Variants in CST7 observed in about 807,000 individuals in gnomAD.
CST7 encodes the protein cystatin F.
A neutral mutation model predicts 13.1 loss-of-function variants in CST7; 15 were observed. The observed-to-expected ratio is 1.14, with a 90% CI of 0.77 to 1.76. CST7 has a LOEUF of 1.76. Among genes scored for constraint, CST7 ranks in the 40% most tolerant of loss-of-function variants. The pLI is 0.00. For synonymous variants in CST7, 75 were observed against 66.9 expected, an observed-to-expected ratio of 1.12 and a Z score of -0.59; for missense variants, 193 against 178.8, an observed-to-expected ratio of 1.08 and a Z score of -0.45.
chr20:24,955,202 C>T (rs538986572), intron 1 of CST7, among the ~76,000 whole-genome samples: 2 of 152,114 alleles, frequency 1.3e-5, no homozygotes, highest in Non-Finnish European at 2.9e-5. Flanking sequence ...AACTAAAAGC[C>T]ACATTCAACT....
chr20:24,954,934 T>C (rs1392441317), intron 1 of CST7, among the ~76,000 whole-genome samples: 8 of 152,150 alleles, frequency 5.3e-5, no homozygotes, highest in Admixed American at 5.2e-4. Flanking sequence ...TTCAAATTTC[T>C]ACCAAAAATA....
At position 24,957,350 on chromosome 20, in the gene CST7, A is replaced by T; in HGVS notation, c.134A>T (p.Asn45Ile). The T allele has an allele frequency of 6.2e-7, 1 of 1,613,756 alleles. No individual in the cohort carries two copies. Among genetic ancestry groups the T allele is most frequent in the Non-Finnish European group, 8.5e-7 (1 of 1,179,794 alleles). ...KPGFPKTIKT[N>I]DPGVLQAARY... ...GGATTTCCTAAAACAATAAAGACCA[A>T]TGACCCAGGAGTCCTCCAAGCAGCC... Residue 45 changes from asparagine (N) to isoleucine (I), a missense_variant, in exon 2 of 4, where the codon AAT becomes ATT. By Grantham distance (149) the Asn-to-Ile change is moderately radical. Transcript: ENST00000480798.
At chr20:24,951,071 C>G (rs894738419) in intron 1 of CST7, among the ~76,000 whole-genome samples, 2 of 152,256 alleles carry the variant, frequency 1.3e-5, no homozygotes, top group African/African-American at 4.8e-5. Flanking sequence ...CAGCTGGCAA[C>G]GTCATTTTCC....
chr20:24,950,725 A>G (rs1375684349), intron 1 of CST7, among the ~76,000 whole-genome samples: 1 of 152,078 alleles, frequency 6.6e-6, no homozygotes, highest in Non-Finnish European at 1.5e-5. Context: ...TAGCTCACGC[A>G]AGGAGCCCTC....
Position 24,957,416 on chromosome 20 carries a change from T to G in CST7, c.200T>G (p.Met67Arg). 1 of 1,613,672 alleles carries G rather than the reference T, an allele frequency of 6.2e-7. No homozygotes were observed. Among genetic ancestry groups the G allele is most frequent in the Non-Finnish European group, 8.5e-7 (1 of 1,179,782 alleles). Reference protein sequence around the residue: ...VEKFNNCTNDMFLFKESRITR... With the variant: ...VEKFNNCTNDRFLFKESRITR... ...AAGTTCAACAACTGCACGAACGACATGTTCTTGTTCAAGGAGTCCCGCATC... is the reference window on the plus strand; with the variant it reads ...AAGTTCAACAACTGCACGAACGACAGGTTCTTGTTCAAGGAGTCCCGCATC... Residue 67 changes from methionine (M) to arginine (R), a missense_variant, in exon 2 of 4, where the codon ATG becomes AGG. Met to Arg is a moderately conservative substitution (Grantham distance 91). Transcript: ENST00000480798.
chr20:24,949,906 G>A (rs1377062899), intron 1 of CST7, among the ~76,000 whole-genome samples: 8 of 152,334 alleles, frequency 5.3e-5, no homozygotes, highest in African/African-American at 1.2e-4. Context: ...GGACGGAGGC[G>A]ACAGGGCAGC....
intron 1 of CST7, among the ~76,000 whole-genome samples, chr20:24,953,436 G>C (rs543854963): frequency 6.6e-6 from 1 of 152,264 alleles, no homozygotes; most frequent in South Asian, 2.1e-4. Context: ...TGCTGGAATT[G>C]GGATCTGAAA....
In CST7 at chr20:24,949,441, T is replaced by C. The variant is rs777737633; in HGVS notation, c.-65T>C. The C allele has an allele frequency of 1.9e-6, 3 of 1,613,196 alleles. No individual in the cohort carries two copies. The highest frequency in any genetic ancestry group is 2.2e-5 in the East Asian group (1 of 44,852). The stretch of plus-strand genomic sequence containing the variant: ...CCAACCACTGCCTCCAACTGCCCCA[T>C]GCTGCCTGAGAAGGCACTGCACGGC... On this transcript the variant is annotated 5_prime_UTR_variant, in exon 1 of 4. The change abolishes an upstream ATG in the 5' untranslated region. Coordinates refer to ENST00000480798, the MANE Select transcript of CST7 (RefSeq NM_003650.4).
intron 1 of CST7, among the ~76,000 whole-genome samples, chr20:24,956,731 G>A (rs6114960): frequency 0.09 from 13,635 of 151,942 alleles, 695 homozygotes; most frequent in Middle Eastern, 0.12. Context: ...GTCTTGAGAC[G>A]AGGACGGCGC....
intron 1 of CST7, among the ~76,000 whole-genome samples, chr20:24,956,975 GCAGGGGTGTCGGGGGGGA>G (rs2087859088): frequency 7.4e-6 from 1 of 134,966 alleles, no homozygotes; most frequent in African/African-American, 2.8e-5. Flanking sequence ...TAAATGCACT[GCAGGGGTGTCGGGGGGGA>G]CAGGTGAGGG....
At chr20:24,953,239 G>A (rs148545850) in intron 1 of CST7, among the ~76,000 whole-genome samples, 4 of 152,164 alleles carry the variant, frequency 2.6e-5, no homozygotes, top group Admixed American at 6.5e-5. Context: ...CAGGGTGATC[G>A]CAGGATCACC....
Position 24,957,436 on chromosome 20 carries a change from CGCA to C in CST7, c.221_223del (p.Arg74_Ile75delinsLeu). The stretch of plus-strand genomic sequence containing the variant: ...CGACATGTTCTTGTTCAAGGAGTCC[CGCA>C]TCACAAGGGCCCTAGTTCAGGTAAC... On this transcript the variant is annotated inframe_deletion, in exon 2 of 4. Transcript: ENST00000480798. The C allele has an allele frequency of 1.2e-6, 2 of 1,613,640 alleles. No individual in the cohort carries two copies. The highest frequency in any genetic ancestry group is 8.5e-7 in the Non-Finnish European group (1 of 1,179,734).
intron 1 of CST7, among the ~76,000 whole-genome samples, chr20:24,950,110 G>A (rs2087810530): frequency 6.6e-6 from 1 of 152,192 alleles, no homozygotes. Flanking sequence ...CTGGGAAACT[G>A]AGACACAGCC....
intron 1 of CST7, among the ~76,000 whole-genome samples, chr20:24,954,936 C>G (rs1006536898): frequency 2.6e-5 from 4 of 151,554 alleles, no homozygotes; most frequent in African/African-American, 9.7e-5. Context: ...CAAATTTCTA[C>G]CAAAAATAGG....
chr20:24,949,559 T>TG lies in CST7; in HGVS notation c.59dup (p.Ser22PhefsTer10). On this transcript the variant is annotated frameshift_variant, in exon 1 of 4. Coordinates refer to ENST00000480798, the MANE Select transcript of CST7 (RefSeq NM_003650.4). LOFTEE classifies it high-confidence loss of function. ...TCTGCTGCCTGGTCTTGAGCACCAC[T>TG]GGGGGCCCTTCCCCAGGTAAGTGGC... The TG allele has an allele frequency of 1.2e-6, 2 of 1,614,110 alleles. No homozygotes were observed. Among genetic ancestry groups the TG allele is most frequent in the South Asian group, 2.2e-5 (2 of 91,086 alleles).
At chr20:24,955,446 CTT>C (rs777745036) in intron 1 of CST7, among the ~76,000 whole-genome samples, 32 of 133,366 alleles carry the variant, frequency 2.4e-4, no homozygotes, top group East Asian at 4.3e-4. Flanking sequence ...GGCCTAAAGT[CTT>C]TTTTTTTTTT....
intron 1 of CST7, among the ~76,000 whole-genome samples, chr20:24,950,075 G>A (rs2087810403): frequency 6.6e-6 from 1 of 152,214 alleles, no homozygotes; most frequent in African/African-American, 2.4e-5. Context: ...GGGGGGACAG[G>A]GAGGAAAGAG....
intron 1 of CST7, among the ~76,000 whole-genome samples, chr20:24,955,126 T>C: frequency 6.6e-6 from 1 of 152,122 alleles, no homozygotes; most frequent in East Asian, 1.9e-4. Context: ...CGTGTCTCTT[T>C]CTCTGCTGTT....
intron 2 of CST7, among the ~76,000 whole-genome samples, chr20:24,957,930 A>AG (rs1417442210): frequency 2.6e-5 from 4 of 152,168 alleles, no homozygotes; most frequent in Non-Finnish European, 5.9e-5. Flanking sequence ...GCTCTGCCCA[A>AG]GCCACTGCCC....
Sources: gnomAD v4.1 joint callset for allele counts (sites outside exome capture counted in the v4.1 genomes callset) on GRCh38, gnomAD v4.1.1 for gene constraint, MANE v1.5 for transcripts, NCBI Gene and HGNC (gene_info 2026-07-23, HGNC 2026-07-21) for gene names.